TRPM5: variants seen among roughly 807,000 people sequenced by gnomAD.
The protein encoded by TRPM5 is transient receptor potential cation channel subfamily M member 5, also known as MLSN1 and TRP-related.
Under a neutral mutation model 124.9 loss-of-function variants are expected in TRPM5, and 121 were observed. The ratio of observed to expected loss-of-function variants is 0.97; its 90% CI spans 0.84 to 1.13. The LOEUF is 1.13. TRPM5 is among the 50% of genes most tolerant of loss of function. TRPM5 has a pLI of 0.00. For synonymous variants in TRPM5, 781 were observed against 700.5 expected (o/e 1.11, Z -1.81); for missense variants, 1,643 against 1,589.1 (o/e 1.03, Z -0.58).
At chr11:2,405,460 GC>G (rs1214939027) in intron 23 of TRPM5, 66 bp downstream of exon 28, 29 of 1,481,064 alleles carry the variant, frequency 2.0e-5, no homozygotes, top group Middle Eastern at 1.8e-4. Flanking sequence ...ACAGCCTACG[GC>G]CCCCCAGCCG....
At chr11:2,434,407 G>A in the TRPM5 span, among the ~76,000 whole-genome samples, 1 of 151,820 alleles carries the variant, frequency 6.6e-6, no homozygotes. Context: ...GTGTGTGTGT[G>A]TGTAGGTGCA....
chr11:2,435,036 A>G, the TRPM5 span, among the ~76,000 whole-genome samples: 1 of 152,074 alleles, frequency 6.6e-6, no homozygotes, highest in African/African-American at 2.4e-5. This position sits in a 1 kb window ranked among gnomAD's most constrained non-coding sequence, Gnocchi z 4.1. Context: ...CTTGGACTTG[A>G]GCAATCCTCC....
upstream of TRPM5, among the ~76,000 whole-genome samples, chr11:2,426,260 C>T (rs1273784964): frequency 6.6e-6 from 1 of 152,162 alleles, no homozygotes; most frequent in Admixed American, 6.5e-5. Context: ...TTCCTGGTGG[C>T]CGCAACCACC....
At chr11:2,418,752 C>T (rs763576401) in intron 4 of TRPM5, among the ~76,000 whole-genome samples, 161 bp from the exon 10 acceptor site, 1 of 152,196 alleles carries the variant, frequency 6.6e-6, no homozygotes, top group African/African-American at 2.4e-5. Context: ...TATTACAGCC[C>T]CTGCCATATG....
chr11:2,407,550 C>T (rs1321970995), intron 19 of TRPM5, among the ~76,000 whole-genome samples: 1 of 152,232 alleles, frequency 6.6e-6, no homozygotes, highest in African/African-American at 2.4e-5. Flanking sequence ...GGCCCTGCTT[C>T]CTGGGACTGG....
downstream of TRPM5, among the ~76,000 whole-genome samples, chr11:2,404,109 C>T (rs1268447882): frequency 6.6e-6 from 1 of 152,188 alleles, no homozygotes; most frequent in Admixed American, 6.5e-5. Flanking sequence ...GGTACAGAAT[C>T]TGCCCTCCCC....
the TRPM5 span, among the ~76,000 whole-genome samples, chr11:2,429,061 A>G: frequency 8.9e-5 from 13 of 146,180 alleles, no homozygotes; most frequent in Admixed American, 6.1e-4. The surrounding 1 kb of genome is among the most constrained non-coding windows in gnomAD (Gnocchi z 8.4). Flanking sequence ...GGTGGTGGTG[A>G]TGATGGTTGT....
the TRPM5 span, among the ~76,000 whole-genome samples, chr11:2,430,722 TTGGTGGCGGTGA>T: frequency 9.3e-6 from 1 of 107,410 alleles, no homozygotes; most frequent in Non-Finnish European, 1.9e-5. Context: ...GGTGGTGGTT[TTGGTGGCGGTGA>T]TGGTGATGGT....
the TRPM5 span, among the ~76,000 whole-genome samples, chr11:2,442,215 T>C: frequency 6.6e-5 from 10 of 152,192 alleles, no homozygotes; most frequent in South Asian, 6.2e-4. The surrounding 1 kb of genome is among the most constrained non-coding windows in gnomAD (Gnocchi z 5.9). Context: ...CAATGAACAA[T>C]AGTAGGATAT....
the TRPM5 span, among the ~76,000 whole-genome samples, chr11:2,436,084 G>C: frequency 6.6e-6 from 1 of 152,092 alleles, no homozygotes; most frequent in Non-Finnish European, 1.5e-5. Context: ...CCCCCACACC[G>C]TAACCCAGCA....
At chr11:2,406,537 G>C in intron 21 of TRPM5, 124 bp downstream of exon 26, 1 of 1,337,814 alleles carries the variant, frequency 7.5e-7, no homozygotes, top group South Asian at 1.4e-5. Flanking sequence ...GGCTCGGCCA[G>C]AGCCCTGCCC....
At position 2,411,335 on chromosome 11, in the gene TRPM5, G is replaced by A. The variant is rs749169557; in HGVS notation, c.2782+17C>T. 9.6e-6 allele frequency: 15 copies of A among 1,559,656 alleles called. No homozygotes were observed. The highest frequency in any genetic ancestry group is 6.8e-5 in the African/African-American group (5 of 73,708). Reference sequence around the variant, plus strand: ...CCAATTTCTCCCTGCCCCTGCCCCCGCTGGCTGTGTGCAAACCATCAATCT... The same window carrying A: ...CCAATTTCTCCCTGCCCCTGCCCCCACTGGCTGTGTGCAAACCATCAATCT... On this transcript the variant is annotated intron_variant, in intron 18 of 23. Transcript: ENST00000155858.
intron 12 of TRPM5, 64 bp downstream of exon 17, chr11:2,413,997 T>C: frequency 6.6e-7 from 1 of 1,519,926 alleles, no homozygotes; most frequent in East Asian, 2.5e-5. Flanking sequence ...CAACTCAAGC[T>C]GGGCCCAGCT....
chr11:2,443,615 C>T, the TRPM5 span, among the ~76,000 whole-genome samples: 2 of 152,188 alleles, frequency 1.3e-5, no homozygotes, highest in African/African-American at 2.4e-5. The surrounding 1 kb of genome is among the most constrained non-coding windows in gnomAD (Gnocchi z 5.0). Context: ...GGCTGGACTC[C>T]GTCCACGATA....
chr11:2,423,528 G>T (rs1168935565), upstream of TRPM5, among the ~76,000 whole-genome samples: 1 of 152,162 alleles, frequency 6.6e-6, no homozygotes, highest in African/African-American at 2.4e-5. Flanking sequence ...GAAAAGGTGA[G>T]ACAGGTGCCC....
chr11:2,426,933 C>T (rs533572999), upstream of TRPM5, among the ~76,000 whole-genome samples: 1 of 152,320 alleles, frequency 6.6e-6, no homozygotes, highest in South Asian at 2.1e-4. Flanking sequence ...CTGGTGACCC[C>T]AGACCCCTCC....
rs779222328 is a variant in TRPM5 at position 2,418,279 on chromosome 11, G to A, written c.794C>T (p.Ala265Val). 4 of 1,580,460 alleles carry A rather than the reference G, an allele frequency of 2.5e-6. No homozygotes were observed. In the Admixed American group the frequency reaches 5.5e-5, roughly 22 times the overall value. The change falls in exon 6 of 24, where the codon GCC becomes GTC. Residue 265 changes from alanine (A) to valine (V), a missense_variant. Coordinates refer to ENST00000155858, the Ensembl canonical transcript of TRPM5. ...CAGGAGGTGGGGCTGGTTCACTAGG[G>A]CAGCAAGCACATCGGCGATGCCCCC...
At chr11:2,425,703 G>A (rs1006616124), upstream of TRPM5, among the ~76,000 whole-genome samples, 16 of 150,844 alleles carry the variant, frequency 1.1e-4, no homozygotes, top group Middle Eastern at 3.4e-3. Context: ...GTCACCCGCT[G>A]GGGTCAATCC....
the TRPM5 span, among the ~76,000 whole-genome samples, chr11:2,439,123 A>C: frequency 5.4e-4 from 83 of 152,376 alleles, no homozygotes; most frequent in African/African-American, 1.9e-3. Context: ...CTGGCTTGCC[A>C]TATGCAGAAG....
Sources: gnomAD v4.1 joint callset for allele counts (sites outside exome capture counted in the v4.1 genomes callset) on GRCh38, gnomAD v4.1.1 for gene constraint, Gnocchi (gnomAD v3.1) non-coding constraint, MANE v1.5 for transcripts, NCBI Gene and HGNC (gene_info 2026-07-23, HGNC 2026-07-21) for gene names.